Variants in ERICH1 observed in about 807,000 individuals in gnomAD.
The protein encoded by ERICH1 is glutamate rich 1, also known as glutamate-rich protein 1.
A neutral mutation model predicts 39.6 loss-of-function variants in ERICH1; 56 were observed. The observed-to-expected ratio is 1.41, with a 90% CI of 1.14 to 1.77. The LOEUF (loss-of-function observed/expected upper bound fraction) is 1.77. ERICH1 is among the 40% of genes most tolerant of loss of function. The pLI is 0.00. For missense variants in ERICH1, 826 were observed against 575.4 expected (o/e 1.44, Z -4.45); for synonymous variants, 313 against 223.6 (o/e 1.40, Z -3.57).
At chr8:717,048 C>T (rs149349013) in intron 1 of ERICH1, among the ~76,000 whole-genome samples, 1 of 152,322 alleles carries the variant, frequency 6.6e-6, no homozygotes, top group East Asian at 1.9e-4. Flanking sequence ...ACCATGAAAA[C>T]CCTGAGCACA....
At chr8:712,706 G>C (rs538562845) in intron 2 of ERICH1, among the ~76,000 whole-genome samples, 4 of 152,128 alleles carry the variant, frequency 2.6e-5, no homozygotes, top group Non-Finnish European at 4.4e-5. Context: ...CAAAGTGCTG[G>C]GTGTTTTTAA....
At chr8:661,978 G>A (rs1348315416), downstream of ERICH1, among the ~76,000 whole-genome samples, 5 of 152,178 alleles carry the variant, frequency 3.3e-5, no homozygotes, top group Admixed American at 3.3e-4. Flanking sequence ...GTGGAACCCA[G>A]GAAAAGGCCA....
At chr8:657,404 T>A (rs1372535287) in intron 3 of ERICH1, among the ~76,000 whole-genome samples, 1 of 151,982 alleles carries the variant, frequency 6.6e-6, no homozygotes, top group Non-Finnish European at 1.5e-5. Context: ...GGGGTTGGCA[T>A]GTCTCTGGTC....
intron 3 of ERICH1, among the ~76,000 whole-genome samples, chr8:678,141 T>A (rs1805283404): frequency 6.6e-6 from 1 of 152,062 alleles, no homozygotes; most frequent in African/African-American, 2.4e-5. Flanking sequence ...AAAGGAAAAG[T>A]TAATATACAT....
intron 1 of ERICH1, among the ~76,000 whole-genome samples, chr8:717,077 G>A (rs1478439871): frequency 2.0e-5 from 3 of 152,166 alleles, no homozygotes; most frequent in Admixed American, 6.5e-5. Context: ...TGGGAGTGAG[G>A]TGCAGTGTGG....
At chr8:684,515 CTT>C (rs1157740178) in intron 3 of ERICH1, among the ~76,000 whole-genome samples, 1 of 152,158 alleles carries the variant, frequency 6.6e-6, no homozygotes, top group Non-Finnish European at 1.5e-5. Context: ...GAGTTGAAAA[CTT>C]AACTAAAACG....
intron 2 of ERICH1, among the ~76,000 whole-genome samples, chr8:710,740 G>A (rs887394335): frequency 6.6e-6 from 1 of 152,184 alleles, no homozygotes. Flanking sequence ...ATTTTCCGTT[G>A]TCTGGATGTA....
At chr8:671,469 C>A (rs28548610) in intron 4 of ERICH1, among the ~76,000 whole-genome samples, 5 of 133,274 alleles carry the variant, frequency 3.8e-5, no homozygotes, top group Admixed American at 7.8e-5. Context: ...CCCCAGGCTC[C>A]GACCTCTGAA....
downstream of ERICH1, among the ~76,000 whole-genome samples, chr8:663,664 A>T (rs1396835417): frequency 3.3e-5 from 5 of 152,090 alleles, no homozygotes; most frequent in Admixed American, 3.3e-4. Flanking sequence ...ACCTAAAATG[A>T]CTAAAATGAG....
intron 3 of ERICH1, among the ~76,000 whole-genome samples, chr8:685,679 C>A (rs577974864): frequency 6.6e-6 from 1 of 152,172 alleles, no homozygotes; most frequent in African/African-American, 2.4e-5. Flanking sequence ...CGCCTTCAGC[C>A]GGTCCCTCCG....
intron 2 of ERICH1, among the ~76,000 whole-genome samples, chr8:700,478 AGG>A (rs1811810805): frequency 7.7e-6 from 1 of 129,542 alleles, no homozygotes; most frequent in African/African-American, 2.9e-5. Flanking sequence ...AGACCCGCAC[AGG>A]CGCACAGGCC....
chr8:668,603 G>A lies in ERICH1; in HGVS notation c.1253C>T (p.Pro418Leu), dbSNP rs1163427304. 1 of 1,614,192 alleles carries A rather than the reference G, an allele frequency of 6.2e-7. No individual in the cohort carries two copies. Among genetic ancestry groups the A allele is most frequent in the Non-Finnish European group, 8.5e-7 (1 of 1,180,030 alleles). The change falls in exon 5 of 6, where the codon CCT (proline) becomes CTT (leucine). Residue 418 changes from proline to leucine, a missense_variant. Pro to Leu is a moderately conservative substitution (Grantham distance 98). Coordinates refer to ENST00000262109, the MANE Select transcript of ERICH1 (RefSeq NM_207332.3). Reference sequence around the variant, plus strand: ...ATAAATCGTACGGTACTTACCAGGAGGCATCGTGCAATGTTCTGGGAACAT... The same window carrying A: ...ATAAATCGTACGGTACTTACCAGGAAGCATCGTGCAATGTTCTGGGAACAT... ...LEMFPEHCTM[P>L]PDHARVISAF...
At chr8:619,854 A>T (rs1797171043) in intron 3 of ERICH1, among the ~76,000 whole-genome samples, 1 of 152,236 alleles carries the variant, frequency 6.6e-6, no homozygotes, top group Admixed American at 6.5e-5. Flanking sequence ...AATCTAAAAT[A>T]AAATTTGATG....
rs938433073 is a variant in ERICH1 at position 668,588 on chromosome 8, C to T, written c.1258+10G>A. ...TAAGCAGGACCTTGAATAAATCGTA[C>T]GGTACTTACCAGGAGGCATCGTGCA... On this transcript the variant is annotated intron_variant, in intron 5 of 5. Transcript: ENST00000262109. 5.0e-6 allele frequency: 8 copies of T among 1,613,952 alleles called. No homozygotes were observed. The highest frequency in any genetic ancestry group is 2.2e-5 in the South Asian group (2 of 91,088).
intron 3 of ERICH1, among the ~76,000 whole-genome samples, chr8:628,657 C>A (rs554542239): frequency 1.4e-4 from 21 of 152,278 alleles, no homozygotes; most frequent in African/African-American, 4.8e-4. Flanking sequence ...GATGCGGGTT[C>A]GCAACACAAA....
At chr8:680,407 A>G (rs1403594448) in intron 3 of ERICH1, among the ~76,000 whole-genome samples, 1 of 151,810 alleles carries the variant, frequency 6.6e-6, no homozygotes, top group Non-Finnish European at 1.5e-5. Context: ...AGAAAGTCCA[A>G]GAGAATCCAT....
intron 3 of ERICH1, among the ~76,000 whole-genome samples, chr8:621,493 A>G (rs1797278267): frequency 6.6e-6 from 1 of 151,776 alleles, no homozygotes; most frequent in African/African-American, 2.4e-5. Context: ...CTATATGTTA[A>G]TAAAAATTTT....
intron 2 of ERICH1, among the ~76,000 whole-genome samples, chr8:700,181 G>C (rs1271665849): frequency 3.0e-4 from 29 of 97,034 alleles, no homozygotes; most frequent in Admixed American, 7.1e-4. Flanking sequence ...GCCCGCACAG[G>C]CCCGCACACG....
At chr8:688,893 A>G (rs1341049592) in intron 3 of ERICH1, among the ~76,000 whole-genome samples, 1 of 152,130 alleles carries the variant, frequency 6.6e-6, no homozygotes, top group Non-Finnish European at 1.5e-5. Flanking sequence ...TAAAGGGAAT[A>G]CCTTTCACCT....
Sources: gnomAD v4.1 joint callset for allele counts (sites outside exome capture counted in the v4.1 genomes callset) on GRCh38, gnomAD v4.1.1 for gene constraint, MANE v1.5 for transcripts, NCBI Gene and HGNC (gene_info 2026-07-23, HGNC 2026-07-21) for gene names.